Variants in PCDHA9 observed in about 807,000 individuals in gnomAD.
PCDHA9 encodes protocadherin alpha 9.
In PCDHA9, 62 loss-of-function variants were observed where a neutral mutation model predicts 62.0. That is an observed-to-expected ratio of 1.00 (90% CI 0.81 to 1.23). PCDHA9 has a LOEUF of 1.23. Among genes scored for constraint, PCDHA9 ranks in the 50% most tolerant of loss-of-function variants. The probability of loss-of-function intolerance (pLI) is 0.00; values close to 1 mark genes in which losing one functional copy is unlikely to be tolerated. For missense variants in PCDHA9, 1,205 were observed against 1,249.8 expected (o/e 0.96, Z 0.54); for synonymous variants, 557 against 567.6 (o/e 0.98, Z 0.27).
rs1446529645 is a variant in PCDHA9, at chr5:140,923,539, C to CA, written c.2395-55406dup. ...GTGAGATTCTGTCCCAAAAAAAGGA[C>CA]AAAATGAAATATCAGCAATGAAAGG... On this transcript the variant is annotated intron_variant, in intron 1 of 3. Coordinates refer to ENST00000532602, the MANE Select transcript of PCDHA9 (RefSeq NM_031857.2). 3.3e-5 allele frequency among the ~76,000 whole-genome samples: 5 copies of CA among 152,090 alleles called. No individual in the cohort carries two copies. The South Asian group carries it at 8.3e-4, about 25-fold the overall frequency.
intron 1 of PCDHA9, chr5:140,928,995 C>T (rs1554206548): frequency 1.2e-6 from 2 of 1,613,798 alleles, no homozygotes; most frequent in Non-Finnish European, 1.7e-6. Flanking sequence ...GCTTACTTTT[C>T]TTCGTGTGTA....
At chr5:140,979,820 T>A (rs937223402) in intron 2 of PCDHA9, among the ~76,000 whole-genome samples, 19 of 152,198 alleles carry the variant, frequency 1.2e-4, no homozygotes, top group African/African-American at 4.6e-4. Context: ...AGGATTTAAT[T>A]TTAAAGAAGA....
chr5:140,869,896 A>T (rs781921753), intron 1 of PCDHA9: 7 of 1,610,768 alleles, frequency 4.3e-6, no homozygotes, highest in Non-Finnish European at 4.2e-6. Context: ...GCTCAAACTA[A>T]ACGCCACAGA....
At chr5:141,005,527 C>A (rs1448254191) in intron 3 of PCDHA9, among the ~76,000 whole-genome samples, 1 of 151,230 alleles carries the variant, frequency 6.6e-6, no homozygotes, top group Non-Finnish European at 1.5e-5. Context: ...CACGGTGAAA[C>A]CCCGTCTCTA....
chr5:140,910,200 A>C (rs1471024317), intron 1 of PCDHA9, among the ~76,000 whole-genome samples: 1 of 152,200 alleles, frequency 6.6e-6, no homozygotes, highest in East Asian at 1.9e-4. Flanking sequence ...TCTTTTGTCC[A>C]CTTGACCTGG....
intron 1 of PCDHA9, among the ~76,000 whole-genome samples, chr5:140,879,327 A>G (rs2057945221): frequency 6.6e-6 from 1 of 152,232 alleles, no homozygotes; most frequent in South Asian, 2.1e-4. Context: ...TCACTTTTTT[A>G]GTTTGTTCAG....
chr5:140,967,364 C>T, intron 1 of PCDHA9: 2 of 1,607,620 alleles, frequency 1.2e-6, no homozygotes, highest in Non-Finnish European at 1.7e-6. Flanking sequence ...CCTTAAGCCC[C>T]TGCAGGAGAA....
chr5:140,916,046 C>T (rs2077416983), intron 1 of PCDHA9, among the ~76,000 whole-genome samples: 1 of 152,202 alleles, frequency 6.6e-6, no homozygotes, highest in Admixed American at 6.5e-5. Context: ...TTTCCACAGG[C>T]AGAGGTGCCT....
At chr5:140,909,582 T>G (rs1407869706) in intron 1 of PCDHA9, among the ~76,000 whole-genome samples, 1 of 152,298 alleles carries the variant, frequency 6.6e-6, no homozygotes, top group Non-Finnish European at 1.5e-5. Flanking sequence ...TGTGATATGT[T>G]TTTTGATTTA....
intron 3 of PCDHA9, among the ~76,000 whole-genome samples, chr5:140,987,825 G>A (rs1181525478): frequency 1.3e-5 from 2 of 151,894 alleles, no homozygotes; most frequent in Admixed American, 1.3e-4. Flanking sequence ...GTTTCCTTAG[G>A]GGATTGCTTT....
intron 1 of PCDHA9, among the ~76,000 whole-genome samples, chr5:140,941,193 TTCTTTCTTC>T (rs1563183581): frequency 8.6e-6 from 1 of 116,638 alleles, no homozygotes; most frequent in Non-Finnish European, 1.8e-5. Flanking sequence ...TTCTTTTTTT[TTCTTTCTTC>T]CTTTCTTTCT....
chr5:140,922,784 C>G (rs1399042980), intron 1 of PCDHA9, among the ~76,000 whole-genome samples: 1 of 152,140 alleles, frequency 6.6e-6, no homozygotes, highest in Non-Finnish European at 1.5e-5. Context: ...GGAGAGAAAA[C>G]TGTAGCTTTG....
At chr5:140,852,033 A>C in intron 1 of PCDHA9, 2 of 934,104 alleles carry the variant, frequency 2.1e-6, no homozygotes, top group Non-Finnish European at 2.6e-6. Context: ...TCGCTTATTG[A>C]GTTTTTGTTA....
intron 1 of PCDHA9, chr5:140,930,058 C>T (rs1186770970): frequency 6.6e-6 from 1 of 152,172 alleles, no homozygotes; most frequent in Non-Finnish European, 1.5e-5. Context: ...TTTGCTTACA[C>T]AAAAACTGTA....
intron 1 of PCDHA9, chr5:140,857,075 A>G: frequency 6.3e-7 from 1 of 1,597,052 alleles, no homozygotes; most frequent in African/African-American, 1.3e-5. Context: ...ACTGGATGAA[A>G]ATGATAATTC....
intron 1 of PCDHA9, among the ~76,000 whole-genome samples, chr5:140,941,445 A>C (rs1472770794): frequency 8.0e-5 from 12 of 149,892 alleles, no homozygotes; most frequent in Middle Eastern, 6.8e-3. Context: ...CCTCGGGAGT[A>C]GCTGGGATTA....
intron 1 of PCDHA9, chr5:140,855,801 TGAAA>T: frequency 4.2e-6 from 2 of 474,526 alleles, no homozygotes; most frequent in Non-Finnish European, 7.5e-6. Context: ...AACATATGAA[TGAAA>T]GAAAAGTTGT....
rs199529084 is a variant in PCDHA9, at chr5:140,856,259, G to C, written c.2394+5370G>C. The C allele has an allele frequency of 2.8e-5, 44 of 1,598,088 alleles. 4 individuals are homozygous for C. Among genetic ancestry groups the C allele is most frequent in the Non-Finnish European group, 3.5e-5 (41 of 1,167,866 alleles). Reference sequence around the variant, plus strand: ...GTTCCGGGTGGCGTCCAAAAGACACGGGGACCTTCTGGAGGTAAATCTGCA... The same window carrying C: ...GTTCCGGGTGGCGTCCAAAAGACACCGGGACCTTCTGGAGGTAAATCTGCA... On this transcript the variant is annotated intron_variant, in intron 1 of 3. Coordinates refer to ENST00000532602, the MANE Select transcript of PCDHA9 (RefSeq NM_031857.2).
At chr5:140,969,284 G>T (rs782449740) in intron 1 of PCDHA9, 1 of 1,614,216 alleles carries the variant, frequency 6.2e-7, no homozygotes, top group Non-Finnish European at 8.5e-7. Flanking sequence ...TGGTCAGAAT[G>T]CTGGGAACCT....
Sources: gnomAD v4.1 joint callset for allele counts (sites outside exome capture counted in the v4.1 genomes callset) on GRCh38, gnomAD v4.1.1 for gene constraint, MANE v1.5 for transcripts, NCBI Gene and HGNC (gene_info 2026-07-23, HGNC 2026-07-21) for gene names.